ESRRG: variants seen among roughly 807,000 people sequenced by gnomAD.
ESRRG encodes estrogen-related receptor gamma.
A neutral mutation model predicts 44.0 loss-of-function variants in ESRRG; 13 were observed. The observed-to-expected ratio is 0.30, with a 90% CI of 0.19 to 0.47. The LOEUF is 0.47. Ranked by LOEUF, ESRRG falls within the 20% of genes least tolerant of loss-of-function variation. The pLI is 1.00. For synonymous variants in ESRRG, 215 were observed against 214.6 expected (o/e 1.00, Z -0.02); for missense variants, 395 against 580.6 (o/e 0.68, Z 3.29).
At chr1:216,793,665 T>A (rs1039806379) in intron 2 of ESRRG, among the ~76,000 whole-genome samples, 5 of 152,196 alleles carry the variant, frequency 3.3e-5, no homozygotes, top group African/African-American at 4.8e-5. Context: ...AGAAACTGTA[T>A]AAGATTATAG....
chr1:216,970,273 T>C (rs756852962), intron 1 of ESRRG, among the ~76,000 whole-genome samples: 2 of 152,200 alleles, frequency 1.3e-5, no homozygotes, highest in Non-Finnish European at 1.5e-5. Context: ...GGGTAAATGA[T>C]AAACCAATTT....
At chr1:216,542,374 A>T (rs994600846) in intron 5 of ESRRG, among the ~76,000 whole-genome samples, 1 of 151,988 alleles carries the variant, frequency 6.6e-6, no homozygotes, top group Non-Finnish European at 1.5e-5. Context: ...CTTTAAAAGT[A>T]GCTATAGCTC....
intron 1 of ESRRG, among the ~76,000 whole-genome samples, chr1:217,074,090 C>T (rs143980923): frequency 0.011 from 1,625 of 150,710 alleles, 14 homozygotes; most frequent in Non-Finnish European, 0.014. Context: ...CACTGTCGCC[C>T]GGGCTGGTGT....
intron 3 of ESRRG, among the ~76,000 whole-genome samples, chr1:216,640,046 T>A (rs774282441): frequency 2.6e-4 from 39 of 152,302 alleles, no homozygotes; most frequent in Middle Eastern, 3.4e-3. Flanking sequence ...AAAACAAATT[T>A]ATGTTGTGGA....
At chr1:216,605,239 G>A (rs1185910806) in intron 3 of ESRRG, among the ~76,000 whole-genome samples, 4 of 152,258 alleles carry the variant, frequency 2.6e-5, no homozygotes, top group Admixed American at 1.3e-4. Context: ...TAAACAAATA[G>A]CAGCTGTAGT....
At chr1:217,106,701 G>C (rs1042489710) in intron 1 of ESRRG, among the ~76,000 whole-genome samples, 1 of 152,154 alleles carries the variant, frequency 6.6e-6, no homozygotes, top group Non-Finnish European at 1.5e-5. Flanking sequence ...GGGATCCTTA[G>C]CTTTGAATTT....
chr1:216,507,209 G>A lies in ESRRG; in HGVS notation c.1133-26C>T, dbSNP rs192342287. ...CTGTGCAATGAAGCAAAAGATATGA[G>A]TAATTATAATAATAATAGCAAACCT... is the stretch of plus-strand genomic sequence containing the variant. On this transcript the variant is annotated intron_variant, in intron 6 of 6. Transcript: ENST00000408911. The A allele has an allele frequency of 5.2e-5, 78 of 1,510,070 alleles. No homozygotes were observed. In the African/African-American group the frequency reaches 6.8e-4, roughly 13 times the overall value. The allele number at this position is 1,510,070 out of a possible 1,614,324, so 93.5% of individuals were successfully genotyped here. A position where few individuals can be genotyped will look rare whatever the true frequency, so the allele number is the denominator to read the frequency against.
intron 1 of ESRRG, among the ~76,000 whole-genome samples, chr1:217,088,370 A>T (rs1320983090): frequency 7.1e-6 from 1 of 141,722 alleles, no homozygotes; most frequent in Non-Finnish European, 1.5e-5. Context: ...CTCTTAACCC[A>T]CATGCTGAGA....
At chr1:216,991,040 C>T (rs1377748675) in intron 1 of ESRRG, among the ~76,000 whole-genome samples, 7 of 151,852 alleles carry the variant, frequency 4.6e-5, no homozygotes, top group Admixed American at 4.0e-4. Flanking sequence ...CTGAGCTCTG[C>T]CTCCTGTCAG....
intron 2 of ESRRG, among the ~76,000 whole-genome samples, chr1:216,884,115 G>A (rs906668228): frequency 5.9e-5 from 9 of 152,166 alleles, no homozygotes; most frequent in Admixed American, 5.9e-4. Context: ...TTTTGGCTTA[G>A]GAGGGAACAT....
At chr1:216,512,502 T>C (rs2043011868) in intron 6 of ESRRG, among the ~76,000 whole-genome samples, 1 of 152,122 alleles carries the variant, frequency 6.6e-6, no homozygotes, top group African/African-American at 2.4e-5. Context: ...TTGTAGTAAC[T>C]AAGTATACAC....
intron 1 of ESRRG, among the ~76,000 whole-genome samples, chr1:217,049,663 T>C (rs901392788): frequency 2.6e-5 from 4 of 152,126 alleles, no homozygotes; most frequent in Non-Finnish European, 5.9e-5. Flanking sequence ...GCACTCATGA[T>C]CTCTCCACTG....
intron 4 of ESRRG, among the ~76,000 whole-genome samples, chr1:216,567,022 G>A (rs1275019694): frequency 6.6e-6 from 1 of 152,178 alleles, no homozygotes; most frequent in Non-Finnish European, 1.5e-5. Flanking sequence ...ATCTGAATTA[G>A]AAGTGGACAT....
chr1:216,910,411 G>C (rs1218672449), intron 2 of ESRRG, among the ~76,000 whole-genome samples: 1 of 152,140 alleles, frequency 6.6e-6, no homozygotes, highest in Non-Finnish European at 1.5e-5. Flanking sequence ...GCCGCTAATT[G>C]AAAGTGTTCA....
chr1:216,928,491 T>C (rs972420482), intron 2 of ESRRG, among the ~76,000 whole-genome samples: 25 of 152,266 alleles, frequency 1.6e-4, no homozygotes, highest in Non-Finnish European at 2.6e-4. Flanking sequence ...CCATGACCCA[T>C]TGGGAACATC....
chr1:216,560,995 C>T (rs919349176), intron 5 of ESRRG, among the ~76,000 whole-genome samples: 2 of 152,100 alleles, frequency 1.3e-5, no homozygotes, highest in Non-Finnish European at 2.9e-5. Context: ...TGCCCTTATG[C>T]TCCTCCAACT....
intron 2 of ESRRG, among the ~76,000 whole-genome samples, chr1:216,851,698 T>C (rs1473866731): frequency 2.0e-5 from 3 of 152,326 alleles, no homozygotes; most frequent in East Asian, 3.9e-4. Context: ...ACACAGTCTA[T>C]GGTGCTTCAT....
chr1:216,895,469 T>C (rs530317845), intron 2 of ESRRG, among the ~76,000 whole-genome samples: 7 of 152,238 alleles, frequency 4.6e-5, no homozygotes, highest in South Asian at 2.1e-4. Context: ...AAAAACAGGG[T>C]AGTCAGTTTA....
Position 216,773,749 on chromosome 1 carries a change from T to C in ESRRG, c.-13-96258A>G, listed in dbSNP as rs182098015. The stretch of plus-strand genomic sequence containing the variant: ...GCTGCAGATCAGCTTGTTTTGAGGC[T>C]ACAACAGATAAGATGAACAGTGGGG... On this transcript the variant is annotated intron_variant, in intron 2 of 7. Coordinates refer to the ESRRG transcript ENST00000359162. Among the ~76,000 whole-genome samples the C allele has an allele frequency of 1.8e-3, 279 of 152,184 alleles. 1 individual carries two copies. The highest frequency in any genetic ancestry group is 3.1e-3 in the Non-Finnish European group (210 of 67,986).
Sources: gnomAD v4.1 joint callset for allele counts (sites outside exome capture counted in the v4.1 genomes callset) on GRCh38, gnomAD v4.1.1 for gene constraint, MANE v1.5 for transcripts, NCBI Gene and HGNC (gene_info 2026-07-23, HGNC 2026-07-21) for gene names.